Variants in SHTN1 observed in about 807,000 individuals in gnomAD.
SHTN1 encodes the protein shootin 1.
In SHTN1, 42 loss-of-function variants were observed where a neutral mutation model predicts 83.1. The ratio of observed to expected loss-of-function variants is 0.51; its 90% CI spans 0.39 to 0.65. SHTN1 has a LOEUF of 0.65. Ranked by LOEUF, SHTN1 falls within the 30% of genes least tolerant of loss-of-function variation. The pLI, the probability that SHTN1 is intolerant of heterozygous loss-of-function variation, is 0.00. For synonymous variants in SHTN1, 224 were observed against 247.7 expected (o/e 0.90, Z 0.90); for missense variants, 622 against 737.8 (o/e 0.84, Z 1.82).
At chr10:116,983,876 G>C (rs1345113574) in intron 1 of SHTN1, among the ~76,000 whole-genome samples, 3 of 152,098 alleles carry the variant, frequency 2.0e-5, no homozygotes, top group African/African-American at 7.2e-5. Context: ...GAGAATATCA[G>C]GCAGAGCACG....
At chr10:116,921,041 A>G (rs79647472) in intron 12 of SHTN1, among the ~76,000 whole-genome samples, 2,995 of 152,264 alleles carry the variant, frequency 0.02, 110 homozygotes, top group African/African-American at 0.068. Context: ...TGTAACTTCT[A>G]TATCGTGTAC....
At chr10:117,047,533 G>A (rs560221967) in intron 2 of SHTN1, among the ~76,000 whole-genome samples, 3 of 152,060 alleles carry the variant, frequency 2.0e-5, no homozygotes, top group Non-Finnish European at 2.9e-5. Context: ...ACGTATCAAC[G>A]ATAATTGCGA....
At chr10:116,908,133 T>C (rs891523755) in intron 14 of SHTN1, among the ~76,000 whole-genome samples, 3 of 152,194 alleles carry the variant, frequency 2.0e-5, no homozygotes, top group Non-Finnish European at 4.4e-5. Flanking sequence ...AGTAACCTGT[T>C]GTCAGGGAGG....
intron 2 of SHTN1, among the ~76,000 whole-genome samples, chr10:116,978,593 A>T (rs923675389): frequency 6.7e-6 from 1 of 149,490 alleles, no homozygotes; most frequent in African/African-American, 2.4e-5. Context: ...ATTTACAAGA[A>T]ATATATATAT....
intron 2 of SHTN1, among the ~76,000 whole-genome samples, chr10:117,011,911 A>C (rs1353824487): frequency 2.0e-5 from 3 of 151,982 alleles, no homozygotes; most frequent in Non-Finnish European, 4.4e-5. Context: ...GAGGCCGAGG[A>C]GGGCGGATCA....
chr10:116,996,248 TTTA>T (rs1851622017), intron 1 of SHTN1, among the ~76,000 whole-genome samples: 1 of 152,170 alleles, frequency 6.6e-6, no homozygotes, highest in African/African-American at 2.4e-5. Flanking sequence ...TTTTTGAGAT[TTTA>T]TTAACTACCT....
chr10:117,126,456 G>A (rs1428043115), exon 1 of SHTN1: 1 of 228,798 alleles, frequency 4.4e-6, no homozygotes, highest in Non-Finnish European at 8.9e-6. Context: ...CCTGGCCCTC[G>A]CCTCGCCTCC....
chr10:117,002,087 G>C (rs1851839581), intron 1 of SHTN1, among the ~76,000 whole-genome samples: 1 of 152,152 alleles, frequency 6.6e-6, no homozygotes, highest in Non-Finnish European at 1.5e-5. Flanking sequence ...CCAATGTGTG[G>C]GGAAATGGGT....
chr10:117,086,826 T>C (rs1853359380), intron 1 of SHTN1, among the ~76,000 whole-genome samples: 1 of 152,220 alleles, frequency 6.6e-6, no homozygotes, highest in African/African-American at 2.4e-5. Flanking sequence ...GCATTATTTA[T>C]GTGAGCTTAA....
intron 1 of SHTN1, among the ~76,000 whole-genome samples, chr10:117,072,058 A>G (rs1243342333): frequency 2.6e-5 from 4 of 152,196 alleles, no homozygotes; most frequent in Non-Finnish European, 5.9e-5. Context: ...GTGTATGTCA[A>G]GCTGGTATTT....
chr10:116,954,750 C>T (rs910013673), intron 4 of SHTN1, among the ~76,000 whole-genome samples: 2 of 152,126 alleles, frequency 1.3e-5, no homozygotes, highest in African/African-American at 2.4e-5. Context: ...CAGATCCCCT[C>T]GCTAGAAATT....
chr10:116,973,537 A>T (rs888197358), intron 2 of SHTN1, among the ~76,000 whole-genome samples: 22 of 152,330 alleles, frequency 1.4e-4, no homozygotes, highest in African/African-American at 5.1e-4. Context: ...CCCAGCCACT[A>T]TGTTAAACAC....
At chr10:116,923,212 G>A (rs931604778) in intron 11 of SHTN1, among the ~76,000 whole-genome samples, 2 of 152,150 alleles carry the variant, frequency 1.3e-5, no homozygotes, top group African/African-American at 4.8e-5. Context: ...TAGGGTACCA[G>A]TATTGCCTAT....
At chr10:117,011,365 T>C (rs901675781) in intron 2 of SHTN1, among the ~76,000 whole-genome samples, 1 of 152,208 alleles carries the variant, frequency 6.6e-6, no homozygotes, top group African/African-American at 2.4e-5. Context: ...CCTTTCCCCA[T>C]TGAGTGGTCT....
chr10:116,890,714 T>C (rs1168310835), intron 16 of SHTN1, among the ~76,000 whole-genome samples: 1 of 152,216 alleles, frequency 6.6e-6, no homozygotes, highest in African/African-American at 2.4e-5. Context: ...GTGCCCCTAC[T>C]GCAAGAGAGC....
At chr10:117,093,495 A>G (rs1853462944) in intron 1 of SHTN1, among the ~76,000 whole-genome samples, 1 of 152,212 alleles carries the variant, frequency 6.6e-6, no homozygotes, top group Non-Finnish European at 1.5e-5. Flanking sequence ...AGCTGGGGTG[A>G]CAGAGAAAGA....
intron 11 of SHTN1, among the ~76,000 whole-genome samples, chr10:116,922,979 A>G (rs1848616093): frequency 6.6e-6 from 1 of 152,050 alleles, no homozygotes; most frequent in South Asian, 2.1e-4. Flanking sequence ...AAAAAAAAAT[A>G]AAAATAATAA....
intron 2 of SHTN1, chr10:116,973,845 T>C (rs1387062032): frequency 7.8e-7 from 1 of 1,274,400 alleles, no homozygotes; most frequent in Non-Finnish European, 1.0e-6. Context: ...GTGTGTACTT[T>C]ACCTGTTTAC....
At chr10:117,043,868 CAAAT>C (rs756883982) in intron 2 of SHTN1, among the ~76,000 whole-genome samples, 11 of 151,530 alleles carry the variant, frequency 7.3e-5, no homozygotes, top group African/African-American at 9.7e-5. Context: ...AACAAACAAA[CAAAT>C]AAATAAATAA....
Sources: gnomAD v4.1 joint callset for allele counts (sites outside exome capture counted in the v4.1 genomes callset) on GRCh38, gnomAD v4.1.1 for gene constraint, MANE v1.5 for transcripts, NCBI Gene and HGNC (gene_info 2026-07-23, HGNC 2026-07-21) for gene names.